ITPR1: variants seen among roughly 807,000 people sequenced by gnomAD.
The protein encoded by ITPR1 is inositol 1,4,5-trisphosphate-gated calcium channel ITPR1.
Under a neutral mutation model 318.4 loss-of-function variants are expected in ITPR1, and 96 were observed. That is an observed-to-expected ratio of 0.30 (90% confidence interval 0.26 to 0.36). ITPR1 has a LOEUF of 0.36. Ranked by LOEUF, ITPR1 falls within the 10% of genes least tolerant of loss-of-function variation. The pLI is 1.00. For synonymous variants in ITPR1, 1,312 were observed against 1,289.9 expected (o/e 1.02, Z -0.37); for missense variants, 2,440 against 3,460.2 (o/e 0.71, Z 7.40).
At chr3:4,737,891 C>T (rs926519795) in intron 44 of ITPR1, among the ~76,000 whole-genome samples, 11 of 152,136 alleles carry the variant, frequency 7.2e-5, no homozygotes, top group African/African-American at 1.7e-4. Flanking sequence ...TTTAAAACTC[C>T]GTGATCGTAT....
chr3:4,622,937 C>G (rs754262194), intron 4 of ITPR1, among the ~76,000 whole-genome samples: 17 of 152,234 alleles, frequency 1.1e-4, no homozygotes, highest in Non-Finnish European at 2.5e-4. Flanking sequence ...AGAGACCTTA[C>G]AGTCTAGTGG....
chr3:4,793,876 G>A (rs572208343), intron 52 of ITPR1, among the ~76,000 whole-genome samples: 77 of 152,234 alleles, frequency 5.1e-4, no homozygotes, highest in African/African-American at 1.8e-3. Context: ...TGATATGGGC[G>A]ATTAATAAAT....
chr3:4,728,526 T>C (rs1025630915), intron 42 of ITPR1, among the ~76,000 whole-genome samples: 3 of 152,178 alleles, frequency 2.0e-5, no homozygotes, highest in Non-Finnish European at 4.4e-5. Flanking sequence ...GCACACAATG[T>C]GAAATACACA....
chr3:4,516,330 A>T, intron 2 of ITPR1, 146 bp from the exon 3 acceptor site: 1 of 526,874 alleles, frequency 1.9e-6, no homozygotes, highest in South Asian at 2.9e-5. Context: ...TGGCTCATTG[A>T]ATCGCCTGCC....
chr3:4,558,504 C>T (rs2086360132), intron 4 of ITPR1, among the ~76,000 whole-genome samples: 2 of 151,972 alleles, frequency 1.3e-5, no homozygotes, highest in East Asian at 1.9e-4. Flanking sequence ...AATGGAAAGA[C>T]GTGGAAAAGT....
chr3:4,666,615 C>T (rs886481714), intron 17 of ITPR1, among the ~76,000 whole-genome samples: 3 of 152,120 alleles, frequency 2.0e-5, no homozygotes, highest in African/African-American at 7.2e-5. Flanking sequence ...GGCCTGTTTT[C>T]ATTATGTTAA....
At chr3:4,507,953 G>A in intron 2 of ITPR1, among the ~76,000 whole-genome samples, 1 of 152,180 alleles carries the variant, frequency 6.6e-6, no homozygotes, top group East Asian at 1.9e-4. Context: ...CTTCTGGGGA[G>A]TGTTTTGCGT....
chr3:4,769,477 A>T (rs966672370), intron 46 of ITPR1, among the ~76,000 whole-genome samples: 1 of 152,238 alleles, frequency 6.6e-6, no homozygotes, highest in African/African-American at 2.4e-5. Flanking sequence ...AGTTCTGAAT[A>T]AATATTTGTT....
intron 2 of ITPR1, among the ~76,000 whole-genome samples, chr3:4,507,739 A>G (rs2081496105): frequency 1.3e-5 from 2 of 152,342 alleles, no homozygotes; most frequent in South Asian, 2.1e-4. Flanking sequence ...GTTAGTCTCC[A>G]ACACTTACTT....
chr3:4,745,756 G>A (rs995420805), intron 44 of ITPR1, among the ~76,000 whole-genome samples: 1 of 152,074 alleles, frequency 6.6e-6, no homozygotes, highest in Admixed American at 6.6e-5. Context: ...TCAAATCCCT[G>A]ATGGGCATCT....
rs113513187 is a variant in ITPR1 at position 4,661,999 on chromosome 3, G to A, written c.1252-83G>A. 2.3e-5 allele frequency: 28 copies of A among 1,209,754 alleles called. No homozygotes were observed. The Middle Eastern group carries it at 7.9e-4, about 34-fold the overall frequency. The allele number at this position is 1,209,754 out of a possible 1,614,324, so 74.9% of individuals were successfully genotyped here. On this transcript the variant is annotated intron_variant, in intron 14 of 61. Coordinates refer to ENST00000649015, the MANE Select transcript of ITPR1 (RefSeq NM_001378452.1). ...AGCTCTAGTATCTTGGGATCAGCCAGTGTCTCGTAAATGTAGTGTTTGATT... is the reference window on the plus strand; with the variant it reads ...AGCTCTAGTATCTTGGGATCAGCCAATGTCTCGTAAATGTAGTGTTTGATT...
chr3:4,839,053 C>A (rs567836317), intron 61 of ITPR1, among the ~76,000 whole-genome samples: 1 of 152,190 alleles, frequency 6.6e-6, no homozygotes, highest in Non-Finnish European at 1.5e-5. Context: ...TAGTGCCGGG[C>A]GTGGTGGCTC....
intron 2 of ITPR1, among the ~76,000 whole-genome samples, chr3:4,508,211 T>C (rs74580843): frequency 0.021 from 3,229 of 152,248 alleles, 121 homozygotes; most frequent in African/African-American, 0.074. Flanking sequence ...AGTGGCCAGG[T>C]GGCTTCATCT....
intron 4 of ITPR1, among the ~76,000 whole-genome samples, chr3:4,614,133 G>C (rs757940766): frequency 1.3e-5 from 2 of 152,230 alleles, no homozygotes; most frequent in Non-Finnish European, 2.9e-5. Flanking sequence ...AGGCGTGGCA[G>C]TGCATACCTC....
At chr3:4,705,298 C>A (rs2094733914) in intron 36 of ITPR1, among the ~76,000 whole-genome samples, 1 of 152,078 alleles carries the variant, frequency 6.6e-6, no homozygotes, top group African/African-American at 2.4e-5. Flanking sequence ...CAGAGAGTTC[C>A]CACAAATCCC....
chr3:4,714,105 T>TTTTG (rs758307698), intron 39 of ITPR1, among the ~76,000 whole-genome samples: 4 of 152,248 alleles, frequency 2.6e-5, no homozygotes, highest in Non-Finnish European at 4.4e-5. Flanking sequence ...TCTGTCTCAC[T>TTTTG]AAGGCTTTTT....
In ITPR1 at chr3:4,577,496, C is replaced by G. The variant is rs538809980; in HGVS notation, c.164-50267C>G. ...CTAGATGTCTGGAGAGAGCAGAAGT[C>G]TTTTGGGTCACTGAAGATCTCCTAA... On this transcript the variant is annotated intron_variant, in intron 4 of 61. Coordinates refer to ENST00000649015, the MANE Select transcript of ITPR1 (RefSeq NM_001378452.1). Among the ~76,000 whole-genome samples, 6 of 152,238 alleles carry G rather than the reference C, an allele frequency of 3.9e-5. No individual in the cohort carries two copies. In the South Asian group the frequency reaches 1.2e-3, roughly 32 times the overall value.
chr3:4,697,668 T>C (rs977250552), intron 34 of ITPR1, among the ~76,000 whole-genome samples: 1 of 152,014 alleles, frequency 6.6e-6, no homozygotes, highest in African/African-American at 2.4e-5. Flanking sequence ...GCCAGGCTGG[T>C]CTTGAACTCC....
chr3:4,696,673 GT>G (rs10546052), intron 33 of ITPR1, among the ~76,000 whole-genome samples: 42,771 of 117,100 alleles, frequency 0.37, 6,434 homozygotes, highest in Non-Finnish European at 0.45. Flanking sequence ...CTTGCCGTGT[GT>G]TTTTTTTTTT....
Sources: gnomAD v4.1 joint callset for allele counts (sites outside exome capture counted in the v4.1 genomes callset) on GRCh38, gnomAD v4.1.1 for gene constraint, MANE v1.5 for transcripts, NCBI Gene and HGNC (gene_info 2026-07-23, HGNC 2026-07-21) for gene names.